PTPRD: variants seen among roughly 807,000 people sequenced by gnomAD.
The protein encoded by PTPRD is receptor-type tyrosine-protein phosphatase delta.
Under a neutral mutation model 214.5 loss-of-function variants are expected in PTPRD, and 34 were observed. That is an observed-to-expected ratio of 0.16 (90% CI 0.12 to 0.21). PTPRD has a LOEUF of 0.21. Ranked by LOEUF, PTPRD falls within the 10% of genes least tolerant of loss-of-function variation. PTPRD has a pLI of 1.00. For missense variants in PTPRD, 2,545 were observed against 2,398.7 expected (o/e 1.06, Z -1.27); for synonymous variants, 1,128 against 845.7 (o/e 1.33, Z -5.79).
At chr9:9,507,851 T>G (rs1590170033) in intron 8 of PTPRD, among the ~76,000 whole-genome samples, 1 of 151,506 alleles carries the variant, frequency 6.6e-6, no homozygotes, top group Non-Finnish European at 1.5e-5. Flanking sequence ...ATCTCGACTG[T>G]GCCTTCATAA....
rs116154275 is a variant in PTPRD at position 10,522,377 on chromosome 9, T to G, written c.-600+90021A>C. ...GTGCTTATATATGATAATTCAGAATTTGCACAAAGCTTTTGAGAGGTGCTT... is the reference window on the plus strand; with the variant it reads ...GTGCTTATATATGATAATTCAGAATGTGCACAAAGCTTTTGAGAGGTGCTT... On this transcript the variant is annotated intron_variant, in intron 2 of 45. Transcript: ENST00000381196. Among the ~76,000 whole-genome samples the G allele has an allele frequency of 2.6e-5, 4 of 152,240 alleles. No individual in the cohort carries two copies. In the South Asian group the frequency reaches 6.2e-4, roughly 24 times the overall value.
chr9:10,500,648 C>G (rs1426918539), intron 2 of PTPRD, among the ~76,000 whole-genome samples: 1 of 151,650 alleles, frequency 6.6e-6, no homozygotes, highest in Non-Finnish European at 1.5e-5. Context: ...TCTTTTCATC[C>G]TTTCTAGTTT....
intron 8 of PTPRD, among the ~76,000 whole-genome samples, chr9:9,468,808 C>T (rs1341112150): frequency 6.6e-6 from 1 of 152,014 alleles, no homozygotes; most frequent in Non-Finnish European, 1.5e-5. Context: ...CAGAGAAAGT[C>T]ATTTACGTAA....
chr9:9,057,332 A>C (rs1259482184), intron 10 of PTPRD, among the ~76,000 whole-genome samples: 1 of 152,164 alleles, frequency 6.6e-6, no homozygotes, highest in African/African-American at 2.4e-5. Context: ...TTTGAGCTGA[A>C]AGGGGCCTTG....
At chr9:8,866,421 T>G (rs1263076843) in intron 11 of PTPRD, among the ~76,000 whole-genome samples, 1 of 152,196 alleles carries the variant, frequency 6.6e-6, no homozygotes, top group African/African-American at 2.4e-5. Flanking sequence ...CATATTCTTC[T>G]GCTCCCATTG....
At chr9:10,101,665 T>C (rs2098553147) in intron 3 of PTPRD, among the ~76,000 whole-genome samples, 1 of 151,666 alleles carries the variant, frequency 6.6e-6, no homozygotes, top group Non-Finnish European at 1.5e-5. Flanking sequence ...ACTACACCTA[T>C]ACGGTATATT....
intron 37 of PTPRD, among the ~76,000 whole-genome samples, chr9:8,381,425 C>G (rs1164734370): frequency 2.0e-5 from 3 of 152,154 alleles, no homozygotes; most frequent in African/African-American, 7.2e-5. Flanking sequence ...ACGATAAGGA[C>G]AGAGAGCATC....
intron 8 of PTPRD, among the ~76,000 whole-genome samples, chr9:9,562,573 C>T (rs2083266093): frequency 6.6e-6 from 1 of 152,102 alleles, no homozygotes; most frequent in East Asian, 1.9e-4. Context: ...TAGAACTCTG[C>T]CTTCCTCTGC....
chr9:9,247,627 C>G (rs190983837), intron 9 of PTPRD, among the ~76,000 whole-genome samples: 20 of 152,130 alleles, frequency 1.3e-4, no homozygotes, highest in African/African-American at 4.3e-4. Flanking sequence ...CTCTACATAG[C>G]CAAAGCCTCT....
chr9:9,892,342 G>A (rs1477255411), intron 5 of PTPRD, among the ~76,000 whole-genome samples: 1 of 152,112 alleles, frequency 6.6e-6, no homozygotes, highest in Admixed American at 6.6e-5. Flanking sequence ...CAGAAGAAGA[G>A]CAATCCATGC....
chr9:8,618,910 TTTTG>T (rs1412609096), intron 14 of PTPRD, among the ~76,000 whole-genome samples: 18 of 104,182 alleles, frequency 1.7e-4, no homozygotes, highest in African/African-American at 6.9e-4. Context: ...GTCTGTGTTT[TTTTG>T]TTTTTTTTTT....
intron 14 of PTPRD, among the ~76,000 whole-genome samples, chr9:8,581,810 G>A (rs572285007): frequency 2.5e-4 from 37 of 145,378 alleles, no homozygotes; most frequent in Non-Finnish European, 5.1e-4. Flanking sequence ...TGAGGGGAGG[G>A]AAGGGCCCGG....
At chr9:10,043,535 C>A (rs1429116380) in intron 3 of PTPRD, among the ~76,000 whole-genome samples, 1 of 151,754 alleles carries the variant, frequency 6.6e-6, no homozygotes, top group Non-Finnish European at 1.5e-5. Context: ...TTTGGAGTTC[C>A]TATGAGCCTT....
At chr9:9,372,685 T>G (rs925940195) in intron 9 of PTPRD, among the ~76,000 whole-genome samples, 1 of 152,168 alleles carries the variant, frequency 6.6e-6, no homozygotes, top group African/African-American at 2.4e-5. Flanking sequence ...TACTCGTTAG[T>G]TGATGCAGTT....
chr9:10,365,649 A>T (rs537564460), intron 2 of PTPRD, among the ~76,000 whole-genome samples: 1 of 152,202 alleles, frequency 6.6e-6, no homozygotes, highest in Non-Finnish European at 1.5e-5. Context: ...TTTTTAGAAC[A>T]TAAGAGGAGC....
intron 3 of PTPRD, among the ~76,000 whole-genome samples, chr9:10,310,972 T>C (rs981386811): frequency 6.6e-6 from 1 of 152,050 alleles, no homozygotes; most frequent in Non-Finnish European, 1.5e-5. Context: ...AGAAGAAGCA[T>C]GTGTGGTAAA....
intron 8 of PTPRD, among the ~76,000 whole-genome samples, chr9:9,473,275 A>G (rs1569568636): frequency 6.6e-6 from 1 of 152,286 alleles, no homozygotes; most frequent in East Asian, 1.9e-4. Context: ...AATGTCCTCC[A>G]GGTTTACGCA....
intron 11 of PTPRD, among the ~76,000 whole-genome samples, chr9:8,867,856 C>G (rs2098225932): frequency 6.6e-6 from 1 of 152,096 alleles, no homozygotes; most frequent in Non-Finnish European, 1.5e-5. Context: ...CCCTTGTGCA[C>G]CTGCAGAATG....
chr9:9,363,659 G>C (rs1216255081), intron 9 of PTPRD, among the ~76,000 whole-genome samples: 1 of 151,208 alleles, frequency 6.6e-6, no homozygotes, highest in East Asian at 2.0e-4. Flanking sequence ...TGGCACATAG[G>C]CAGTGTGTGG....
Sources: gnomAD v4.1 joint callset for allele counts (sites outside exome capture counted in the v4.1 genomes callset) on GRCh38, gnomAD v4.1.1 for gene constraint, MANE v1.5 for transcripts, NCBI Gene and HGNC (gene_info 2026-07-23, HGNC 2026-07-21) for gene names.